RBSN: variants seen among roughly 807,000 people sequenced by gnomAD.
RBSN encodes rabenosyn-5.
In RBSN, 34 loss-of-function variants were observed where a neutral mutation model predicts 60.5. That is an observed-to-expected ratio of 0.56 (90% CI 0.43 to 0.75). The LOEUF (loss-of-function observed/expected upper bound fraction) is 0.75. Among genes scored for constraint, RBSN ranks in the 30% least tolerant of loss-of-function variants. The pLI, the probability that RBSN is intolerant of heterozygous loss-of-function variation, is 0.00. For synonymous variants in RBSN, 322 were observed against 366.9 expected (o/e 0.88, Z 1.40); for missense variants, 845 against 986.8 (o/e 0.86, Z 1.92).
chr3:15,075,359 A>G (rs772045191), intron 13 of RBSN: 16 of 654,852 alleles, frequency 2.4e-5, no homozygotes, highest in Middle Eastern at 2.4e-4. Flanking sequence ...AGAACTGTCA[A>G]TCTCTGTGGT....
chr3:15,090,745 T>C (rs1206792854), intron 4 of RBSN, among the ~76,000 whole-genome samples: 1 of 152,208 alleles, frequency 6.6e-6, no homozygotes, highest in Non-Finnish European at 1.5e-5. Flanking sequence ...AGTTAATCAA[T>C]ATTAGCATTA....
intron 5 of RBSN, 115 bp from the exon 6 acceptor site, chr3:15,086,076 G>C: frequency 1.3e-5 from 4 of 318,548 alleles, no homozygotes; most frequent in Non-Finnish European, 5.6e-6. Flanking sequence ...AACATAGCGA[G>C]ACCCCGTCTC....
chr3:15,076,481 A>G (rs1026409714), intron 12 of RBSN, among the ~76,000 whole-genome samples: 3 of 152,326 alleles, frequency 2.0e-5, no homozygotes, highest in East Asian at 3.9e-4. Context: ...TTTAAAAAAA[A>G]AGAAAAAAAC....
rs2043718121 is a variant in RBSN, at chr3:15,098,183, CG to C, written c.-410del. On this transcript the variant is annotated 5_prime_UTR_variant, in exon 2 of 14. Transcript: ENST00000253699. Reference sequence around the variant, plus strand: ...CTCAATTTATAACCGCAGGTACATACGTGAAGTGACCAAGTAAGACTGTAAA... The same window carrying C: ...CTCAATTTATAACCGCAGGTACATACTGAAGTGACCAAGTAAGACTGTAAA... 6.6e-6 allele frequency: 1 copy of C among 152,176 alleles called. No homozygotes were observed. Among genetic ancestry groups the C allele is most frequent in the East Asian group, 1.9e-4 (1 of 5,192 alleles). The allele number at this position is 152,176 out of a possible 1,614,324, so 9.4% of individuals were successfully genotyped here.
chr3:15,083,827 C>T (rs1000236334), intron 8 of RBSN, among the ~76,000 whole-genome samples: 9 of 152,032 alleles, frequency 5.9e-5, no homozygotes, highest in Non-Finnish European at 1.2e-4. Context: ...TATTCAAGAC[C>T]CTCTTCTCAA....
At chr3:15,076,770 T>C (rs2005031) in intron 12 of RBSN, among the ~76,000 whole-genome samples, 8,048 of 152,266 alleles carry the variant, frequency 0.053, 255 homozygotes, top group East Asian at 0.13. Context: ...GAATGGCATA[T>C]ACAGTCAATA....
intron 4 of RBSN, chr3:15,091,442 T>C (rs1412913581): frequency 7.8e-7 from 1 of 1,283,348 alleles, no homozygotes; most frequent in African/African-American, 1.5e-5. Flanking sequence ...CACGCACTTA[T>C]TGAATGCATG....
chr3:15,085,585 G>C (rs1431154466), intron 6 of RBSN, among the ~76,000 whole-genome samples: 1 of 152,204 alleles, frequency 6.6e-6, no homozygotes, highest in Non-Finnish European at 1.5e-5. Context: ...AGAAGAATCT[G>C]AAGGAAGAAA....
At chr3:15,081,171 C>T (rs182647213) in intron 9 of RBSN, 779 of 174,256 alleles carry the variant, frequency 4.5e-3, no homozygotes, top group Admixed American at 0.011. Context: ...GCTGCCACCA[C>T]GCCCGGCTAA....
At chr3:15,095,726 A>C in intron 4 of RBSN, 1 of 566,582 alleles carries the variant, frequency 1.8e-6, no homozygotes, top group South Asian at 2.5e-5. Flanking sequence ...GAGTGGCTTC[A>C]GACAAGTTAT....
Position 15,084,859 on chromosome 3 carries a change from C to G in RBSN, c.474G>C (p.Gln158His). 6.2e-6 allele frequency: 10 copies of G among 1,614,048 alleles called. No individual in the cohort carries two copies. Among genetic ancestry groups the G allele is most frequent in the Non-Finnish European group, 8.5e-6 (10 of 1,179,964 alleles). Reference protein sequence around the residue: ...EKSVVPWVNDQDVPFCPDCGN... With the variant: ...EKSVVPWVNDHDVPFCPDCGN... ...CACAGTCTGGACAGAAAGGGACATC[C>G]TGGTCGTTGACCCAAGGCACCACAG... Residue 158 changes from glutamine (Q) to histidine (H), a missense_variant, in exon 8 of 14, where the codon CAG becomes CAC. Physicochemically the swap from Gln to His is conservative, Grantham distance 24 (BLOSUM62 0). Coordinates refer to ENST00000253699, the MANE Select transcript of RBSN (RefSeq NM_022340.4). The surrounding 1 kb of genome is among the most constrained non-coding windows in gnomAD (Gnocchi z 4.2).
chr3:15,082,720 G>A lies in RBSN; in HGVS notation c.599-112C>T, dbSNP rs2043237454. Reference sequence around the variant, plus strand: ...TTTGATTTGGAGAGTAATAAGATCAGGCTCCAGCTGTGGGCACGTACTGCC... The same window carrying A: ...TTTGATTTGGAGAGTAATAAGATCAAGCTCCAGCTGTGGGCACGTACTGCC... On this transcript the variant is annotated intron_variant, in intron 8 of 13. Transcript: ENST00000253699. The surrounding 1 kb of genome is among the most constrained non-coding windows in gnomAD (Gnocchi z 4.2). The A allele has an allele frequency of 6.9e-7, 1 of 1,454,366 alleles. No homozygotes were observed. Among genetic ancestry groups the A allele is most frequent in the East Asian group, 2.5e-5 (1 of 40,080 alleles). The allele number at this position is 1,454,366 out of a possible 1,614,324, so 90.1% of individuals were successfully genotyped here. A position where few individuals can be genotyped will look rare whatever the true frequency, so the allele number is the denominator to read the frequency against.
intron 1 of RBSN, 106 bp from the exon 2 acceptor site, chr3:15,098,380 C>CA (rs67129164): frequency 1 from 148,413 of 148,416 alleles, 74,205 homozygotes; most frequent in Middle Eastern, 1. Context: ...AAATCTAACA[C>CA]AACCACCGAA....
chr3:15,078,087 A>G lies in RBSN; in HGVS notation c.986T>C (p.Ile329Thr). ...RVEVQKVYEL[I>T]DALSKKILTL... is the part of the protein sequence containing the mutation. The stretch of plus-strand genomic sequence containing the variant: ...TAATGGACCTTACCTTAAAGCGTCT[A>G]TCAGCTCATACACTTTCTGCACTTC... The change falls in exon 11 of 14, where the codon ATA becomes ACA. Residue 329 changes from isoleucine (I) to threonine (T), a missense_variant. By Grantham distance (89) the Ile-to-Thr change is moderately conservative. Transcript: ENST00000253699. 6.2e-7 allele frequency: 1 copy of G among 1,614,046 alleles called. No individual in the cohort carries two copies. Among genetic ancestry groups the G allele is most frequent in the Non-Finnish European group, 8.5e-7 (1 of 1,179,910 alleles).
At chr3:15,075,015 A>C (rs2043019591) in intron 13 of RBSN, 85 bp from the exon 14 acceptor site, 1 of 1,450,118 alleles carries the variant, frequency 6.9e-7, no homozygotes, top group African/African-American at 1.4e-5. Context: ...TTGTCCCTCT[A>C]TCCCTGTGCC....
Position 15,074,406 on chromosome 3 carries a change from A to T in RBSN, c.1731T>A (p.Ser577=). 6.2e-7 allele frequency: 1 copy of T among 1,614,092 alleles called. No individual in the cohort carries two copies. Among genetic ancestry groups the T allele is most frequent in the African/African-American group, 1.3e-5 (1 of 75,012 alleles). The change falls in exon 14 of 14, where the codon TCT becomes TCA. Residue 577 remains serine (S), a synonymous_variant. Coordinates refer to ENST00000253699, the MANE Select transcript of RBSN (RefSeq NM_022340.4). The surrounding 1 kb of genome is among the most constrained non-coding windows in gnomAD (Gnocchi z 6.4). ...THLAYALDLG[S]SPVPSSTAPK... is the part of the protein sequence containing the mutation. ...GAGCTGTGCTGCTTGGAACTGGGGAAGAGCCTAGATCCAAAGCATAAGCAA... is the reference window on the plus strand; with the variant it reads ...GAGCTGTGCTGCTTGGAACTGGGGATGAGCCTAGATCCAAAGCATAAGCAA...
chr3:15,074,500 G>T lies in RBSN; in HGVS notation c.1637C>A (p.Thr546Asn). ...QFRVASLHTR[T>N]RSLDFREIGP... is the part of the protein sequence containing the mutation. Reference sequence around the variant, plus strand: ...GATTTCTCTGAAGTCCAGGGACCGAGTCCGTGTGTGCAGGGATGCCACCCG... The same window carrying T: ...GATTTCTCTGAAGTCCAGGGACCGATTCCGTGTGTGCAGGGATGCCACCCG... Residue 546 changes from threonine to asparagine, a missense_variant, in exon 14 of 14, where the codon ACT becomes AAT. By Grantham distance (65) the Thr-to-Asn change is moderately conservative. Transcript: ENST00000253699. The surrounding 1 kb of genome is among the most constrained non-coding windows in gnomAD (Gnocchi z 6.4). 1 of 1,614,222 alleles carries T rather than the reference G, an allele frequency of 6.2e-7. No homozygotes were observed. The highest frequency in any genetic ancestry group is 1.1e-5 in the South Asian group (1 of 91,084).
Position 15,096,149 on chromosome 3 carries a change from C to G in RBSN, c.-29G>C. 1 of 1,529,614 alleles carries G rather than the reference C, an allele frequency of 6.5e-7. No individual in the cohort carries two copies. The highest frequency in any genetic ancestry group is 1.3e-5 in the South Asian group (1 of 76,386). 94.8% of individuals were successfully genotyped at this position (1,529,614 alleles called of 1,614,324 possible). On this transcript the variant is annotated 5_prime_UTR_variant, in exon 4 of 14. Transcript: ENST00000253699. ...AGTGCCGCTCTCAACCCTAGGAAGG[C>G]AGGAATCTCATGCCAAGAGTCAGCT...
chr3:15,090,113 C>T (rs568132556), intron 5 of RBSN, among the ~76,000 whole-genome samples: 2 of 152,050 alleles, frequency 1.3e-5, no homozygotes, highest in Non-Finnish European at 2.9e-5. Context: ...GGATTCATAC[C>T]CTACTTCTGC....
Sources: allele counts gnomAD v4.1 joint callset (sites outside exome capture counted in the v4.1 genomes callset), GRCh38; gene constraint gnomAD v4.1.1; non-coding constraint Gnocchi (gnomAD v3.1); transcripts MANE v1.5; gene names NCBI Gene and HGNC (gene_info 2026-07-23, HGNC 2026-07-21).